The following PPARD variants were observed in gnomAD, a reference collection of about 807,000 sequenced individuals.
The protein encoded by PPARD is peroxisome proliferator-activated receptor delta.
In PPARD, 6 loss-of-function variants were observed where a neutral mutation model predicts 39.5. The observed-to-expected ratio is 0.15, with a 90% CI of 0.08 to 0.30. The LOEUF (loss-of-function observed/expected upper bound fraction) is 0.30. PPARD is among the 10% of genes least tolerant of loss of function. The pLI, the probability that PPARD is intolerant of heterozygous loss-of-function variation, is 1.00. For missense variants in PPARD, 397 were observed against 596.8 expected (o/e 0.67, Z 3.49); for synonymous variants, 210 against 231.3 (o/e 0.91, Z 0.83).
At chr6:35,413,540 G>A (rs1280231240) in intron 3 of PPARD, among the ~76,000 whole-genome samples, 1 of 152,110 alleles carries the variant, frequency 6.6e-6, no homozygotes, top group Non-Finnish European at 1.5e-5. Context: ...CTGAAATCCC[G>A]ACAGGTTTTT....
chr6:35,379,739 T>C (rs1763034426), intron 2 of PPARD, among the ~76,000 whole-genome samples: 1 of 152,242 alleles, frequency 6.6e-6, no homozygotes, highest in Admixed American at 6.5e-5. Flanking sequence ...TCGTTTGTTT[T>C]TTCTCAGATG....
At chr6:35,388,844 T>C (rs1481421378) in intron 2 of PPARD, among the ~76,000 whole-genome samples, 2 of 152,190 alleles carry the variant, frequency 1.3e-5, no homozygotes, top group Non-Finnish European at 2.9e-5. Context: ...TTCCACCACC[T>C]GGTCTAATCA....
intron 2 of PPARD, among the ~76,000 whole-genome samples, chr6:35,410,462 A>C (rs1183373267): frequency 6.6e-6 from 1 of 152,194 alleles, no homozygotes; most frequent in East Asian, 1.9e-4. Context: ...TGTCAACATG[A>C]GCCAAGAACA....
chr6:35,384,176 C>T (rs1581591662), intron 2 of PPARD, among the ~76,000 whole-genome samples: 1 of 138,676 alleles, frequency 7.2e-6, no homozygotes, highest in Admixed American at 7.0e-5. Context: ...AGTGAGGAGC[C>T]CCTCTGCCCG....
In PPARD at chr6:35,385,022, G is replaced by GC. The variant is rs1217634182; in HGVS notation, c.-101-25959dup. ...TCCGGGAGGGAGGTGGGAGGGGTCA[G>GC]CCCCCCACCCGGCCAGCCGCCCCGT... On this transcript the variant is annotated intron_variant, in intron 2 of 7. Transcript: ENST00000360694. Among the ~76,000 whole-genome samples, 43 of 143,300 alleles carry GC rather than the reference G, an allele frequency of 3.0e-4. 1 individual carries two copies. The highest frequency in any genetic ancestry group is 5.1e-4 in the African/African-American group (18 of 35,364). 94.0% of individuals were successfully genotyped at this position (143,300 alleles called of 152,430 possible). A position where few individuals can be genotyped will look rare whatever the true frequency, so the allele number is the denominator to read the frequency against.
chr6:35,411,661 C>T (rs1765438003), intron 3 of PPARD, among the ~76,000 whole-genome samples: 1 of 152,144 alleles, frequency 6.6e-6, no homozygotes, highest in Admixed American at 6.5e-5. Context: ...TAATTATACA[C>T]ATCATCATTG....
intron 2 of PPARD, among the ~76,000 whole-genome samples, chr6:35,385,561 C>A (rs1763582224): frequency 6.9e-6 from 1 of 143,902 alleles, no homozygotes. Flanking sequence ...ATCTGCTGAC[C>A]TTCCCTCCAC....
chr6:35,380,324 A>T (rs1330887426), intron 2 of PPARD, among the ~76,000 whole-genome samples: 1 of 152,178 alleles, frequency 6.6e-6, no homozygotes, highest in Non-Finnish European at 1.5e-5. Context: ...GTGGTTCCAC[A>T]TCTCACAGTG....
intron 2 of PPARD, among the ~76,000 whole-genome samples, chr6:35,361,276 A>G: frequency 6.6e-6 from 1 of 152,136 alleles, no homozygotes; most frequent in East Asian, 1.9e-4. Flanking sequence ...CTGAATGATG[A>G]TTGTTTCATT....
At chr6:35,354,686 A>G (rs1761468494) in intron 2 of PPARD, among the ~76,000 whole-genome samples, 2 of 152,172 alleles carry the variant, frequency 1.3e-5, no homozygotes, top group South Asian at 2.1e-4. Flanking sequence ...TCTGTGTTAG[A>G]TGATGTTGCC....
intron 2 of PPARD, among the ~76,000 whole-genome samples, chr6:35,394,906 G>A (rs1442017538): frequency 6.6e-6 from 1 of 151,996 alleles, no homozygotes; most frequent in Non-Finnish European, 1.5e-5. Context: ...CATTGCCACT[G>A]CCATTAAAGA....
rs1762449111 is a variant in PPARD, at chr6:35,370,886, C to T, written c.-102+23736C>T. 2.0e-5 allele frequency among the ~76,000 whole-genome samples: 3 copies of T among 152,200 alleles called. 1 individual carries two copies. Among genetic ancestry groups the T allele is most frequent in the East Asian group, 1.9e-4 (1 of 5,198 alleles). ...AGCTCACACGAGCCCCATGGTGGGG[C>T]AGTTAAGGCCCCAGAATTCACCTTC... On this transcript the variant is annotated intron_variant, in intron 2 of 7. Transcript: ENST00000360694.
Position 35,411,109 on chromosome 6 carries a change from G to T in PPARD, c.22G>T (p.Ala8Ser). The T allele has an allele frequency of 6.4e-7, 1 of 1,566,316 alleles. No individual in the cohort carries two copies. Among genetic ancestry groups the T allele is most frequent in the Non-Finnish European group, 8.7e-7 (1 of 1,155,164 alleles). The change falls in exon 3 of 8, where the codon GCC becomes TCC. Residue 8 changes from alanine to serine, a missense_variant. Transcript: ENST00000360694. MEQPQEE[A>S]PEVREEEEKE... Reference sequence around the variant, plus strand: ...AGCCATGGAGCAGCCACAGGAGGAAGCCCCTGAGGTCCGGGAAGAGGAGGA... The same window carrying T: ...AGCCATGGAGCAGCCACAGGAGGAATCCCCTGAGGTCCGGGAAGAGGAGGA...
At position 35,424,887 on chromosome 6, in the gene PPARD, C is replaced by T. The variant is rs202007732; in HGVS notation, c.1078+108C>T. 46 of 1,485,828 alleles carry T rather than the reference C, an allele frequency of 3.1e-5. No individual in the cohort carries two copies. Among genetic ancestry groups the T allele is most frequent in the Non-Finnish European group, 3.9e-5 (44 of 1,120,854 alleles). 92.0% of individuals were successfully genotyped at this position (1,485,828 alleles called of 1,614,324 possible). ...GAGCTCTGACAGTGTGGGGAAGTGT[C>T]CCTGTGATCTTGGCAGTGGAACATG... On this transcript the variant is annotated intron_variant, in intron 7 of 7. Transcript: ENST00000360694. This position sits in a 1 kb window ranked among gnomAD's most constrained non-coding sequence, Gnocchi z 7.1.
chr6:35,389,120 G>A (rs1249439025), intron 2 of PPARD, among the ~76,000 whole-genome samples: 4 of 152,192 alleles, frequency 2.6e-5, no homozygotes, highest in Non-Finnish European at 5.9e-5. Flanking sequence ...TGAGGCTGCA[G>A]TGAGCTGTGA....
chr6:35,373,826 C>A (rs1049216985), intron 2 of PPARD, among the ~76,000 whole-genome samples: 7 of 152,124 alleles, frequency 4.6e-5, no homozygotes, highest in African/African-American at 1.7e-4. Context: ...TGCCACCACA[C>A]CTGGCTAATT....
intron 2 of PPARD, among the ~76,000 whole-genome samples, chr6:35,354,408 C>A (rs903857014): frequency 6.7e-6 from 1 of 148,644 alleles, no homozygotes; most frequent in Non-Finnish European, 1.5e-5. Flanking sequence ...TAAAGTGATT[C>A]TCCTGCCTCA....
chr6:35,382,004 G>A (rs1763181835), intron 2 of PPARD, among the ~76,000 whole-genome samples: 1 of 152,192 alleles, frequency 6.6e-6, no homozygotes, highest in Non-Finnish European at 1.5e-5. Context: ...GCATTCTAGA[G>A]TTCGTCATGC....
chr6:35,383,578 A>T (rs1205405461), intron 2 of PPARD, among the ~76,000 whole-genome samples: 2 of 137,162 alleles, frequency 1.5e-5, no homozygotes. Context: ...CCCATCTAGG[A>T]GGTGAGGAGC....
Sources: allele counts gnomAD v4.1 joint callset (sites outside exome capture counted in the v4.1 genomes callset), GRCh38; gene constraint gnomAD v4.1.1; non-coding constraint Gnocchi (gnomAD v3.1); transcripts MANE v1.5; gene names NCBI Gene and HGNC (gene_info 2026-07-23, HGNC 2026-07-21).